The following CDKL4 variants were observed in gnomAD, a reference collection of about 807,000 sequenced individuals.
CDKL4 encodes the protein cyclin dependent kinase like 4, also known as cyclin-dependent kinase-like 4.
In CDKL4, 44 loss-of-function variants were observed where a neutral mutation model predicts 42.0. That is an observed-to-expected ratio of 1.05 (90% CI 0.82 to 1.35). CDKL4 has a LOEUF of 1.35. CDKL4 is among the 40% of genes most tolerant of loss of function. The probability of loss-of-function intolerance (pLI) is 0.00; values close to 1 mark genes in which losing one functional copy is unlikely to be tolerated. For missense variants in CDKL4, 393 were observed against 369.9 expected, an observed-to-expected ratio of 1.06 and a Z score of -0.51; for synonymous variants, 120 against 121.6, an observed-to-expected ratio of 0.99 and a Z score of 0.09.
intron 6 of CDKL4, among the ~76,000 whole-genome samples, chr2:39,188,839 G>A (rs190301635): frequency 6.6e-6 from 1 of 151,958 alleles, no homozygotes; most frequent in African/African-American, 2.4e-5. Context: ...ACAAGCATGC[G>A]CCATCATGTC....
intron 5 of CDKL4, among the ~76,000 whole-genome samples, chr2:39,196,876 G>A (rs1676547698): frequency 6.6e-6 from 1 of 152,168 alleles, no homozygotes; most frequent in Admixed American, 6.5e-5. Context: ...CAAAGTGTTG[G>A]GATTACAGGC....
At chr2:39,244,562 C>G (rs1363174847), upstream of CDKL4, among the ~76,000 whole-genome samples, 1 of 152,252 alleles carries the variant, frequency 6.6e-6, no homozygotes, top group Non-Finnish European at 1.5e-5. Flanking sequence ...CTCCCACCCC[C>G]TCCATGGGTT....
upstream of CDKL4, among the ~76,000 whole-genome samples, chr2:39,246,804 C>A (rs1410129431): frequency 6.6e-6 from 1 of 151,996 alleles, no homozygotes. Flanking sequence ...AGTGCAGTGT[C>A]ACAATCATAG....
intron 3 of CDKL4, 72 bp downstream of exon 3, chr2:39,225,767 T>A: frequency 6.9e-7 from 1 of 1,441,650 alleles, no homozygotes; most frequent in Non-Finnish European, 9.3e-7. Context: ...ATTTGAAATT[T>A]GCCATGGTTA....
intron 1 of CDKL4, among the ~76,000 whole-genome samples, chr2:39,237,809 C>G (rs954455089): frequency 9.9e-5 from 15 of 151,974 alleles, no homozygotes; most frequent in Middle Eastern, 3.2e-3. Context: ...TACAGAAAAT[C>G]GTAATGAATC....
the CDKL4 span, among the ~76,000 whole-genome samples, chr2:39,168,062 T>G: frequency 6.6e-6 from 1 of 152,156 alleles, no homozygotes; most frequent in Non-Finnish European, 1.5e-5. Flanking sequence ...ATATTTAATC[T>G]CATATGTGGG....
intron 1 of CDKL4, among the ~76,000 whole-genome samples, chr2:39,230,953 T>A (rs1679061019): frequency 6.6e-6 from 1 of 152,190 alleles, no homozygotes; most frequent in Non-Finnish European, 1.5e-5. Flanking sequence ...CTCACACTTG[T>A]AATCCCAGAA....
chr2:39,206,550 G>A (rs1395984674), intron 4 of CDKL4, among the ~76,000 whole-genome samples: 2 of 152,212 alleles, frequency 1.3e-5, no homozygotes, highest in South Asian at 4.1e-4. Context: ...GGGTTTCCAT[G>A]TTGCGGAGGT....
chr2:39,184,470 C>T, intron 8 of CDKL4, 121 bp downstream of exon 8: 1 of 629,598 alleles, frequency 1.6e-6, no homozygotes, highest in Admixed American at 2.8e-5. Context: ...AGTTCTTTAT[C>T]ATTTTCAATG....
At chr2:39,172,138 A>C (rs910177657), downstream of CDKL4, among the ~76,000 whole-genome samples, 1 of 151,974 alleles carries the variant, frequency 6.6e-6, no homozygotes, top group African/African-American at 2.4e-5. Context: ...GTGAAACCCC[A>C]TCTCTACTAA....
At chr2:39,174,550 A>G (rs1435818903), downstream of CDKL4, among the ~76,000 whole-genome samples, 1 of 152,238 alleles carries the variant, frequency 6.6e-6, no homozygotes, top group Non-Finnish European at 1.5e-5. Flanking sequence ...AACATAGGAT[A>G]TTATCATGTT....
At chr2:39,172,915 T>C (rs946797903), downstream of CDKL4, among the ~76,000 whole-genome samples, 3 of 152,166 alleles carry the variant, frequency 2.0e-5, no homozygotes, top group African/African-American at 7.2e-5. Context: ...ATGACTATAT[T>C]AGAGCATTTT....
chr2:39,203,061 G>C (rs1341916773), intron 5 of CDKL4, among the ~76,000 whole-genome samples: 1 of 152,168 alleles, frequency 6.6e-6, no homozygotes, highest in Non-Finnish European at 1.5e-5. Context: ...TGTTCATGCA[G>C]TCAAAATTTC....
chr2:39,227,443 C>G (rs1403905650), intron 2 of CDKL4, among the ~76,000 whole-genome samples: 1 of 152,150 alleles, frequency 6.6e-6, no homozygotes, highest in Non-Finnish European at 1.5e-5. Flanking sequence ...GCCTGCTGCT[C>G]CACAGCTGGG....
intron 7 of CDKL4, among the ~76,000 whole-genome samples, chr2:39,186,071 C>T (rs1308695493): frequency 2.0e-5 from 3 of 151,978 alleles, no homozygotes; most frequent in Non-Finnish European, 2.9e-5. Context: ...GATGGAGATG[C>T]CTGAAAGATA....
chr2:39,212,822 G>A (rs1677671059), intron 4 of CDKL4, among the ~76,000 whole-genome samples: 1 of 151,934 alleles, frequency 6.6e-6, no homozygotes, highest in Admixed American at 6.6e-5. Flanking sequence ...ACCATGGCTG[G>A]CTAATTTTTA....
intron 5 of CDKL4, among the ~76,000 whole-genome samples, chr2:39,201,316 A>AC (rs1676830912): frequency 6.6e-6 from 1 of 151,578 alleles, no homozygotes; most frequent in Admixed American, 6.6e-5. Context: ...AAAAAAAAAA[A>AC]ACTACAGATG....
chr2:39,213,380 C>G lies in CDKL4; in HGVS notation c.363+20G>C. On this transcript the variant is annotated intron_variant, in intron 4 of 9. Transcript: ENST00000451199. ...GTCATCATGAAGAAATGAATAAATA[C>G]ATTAGAAAATGTTACTTACGTTATG... 1 of 1,434,414 alleles carries G rather than the reference C, an allele frequency of 7.0e-7. No individual in the cohort carries two copies. Among genetic ancestry groups the G allele is most frequent in the Non-Finnish European group, 9.8e-7 (1 of 1,022,618 alleles). The allele number at this position is 1,434,414 out of a possible 1,614,324, so 88.9% of individuals were successfully genotyped here. A position where few individuals can be genotyped will look rare whatever the true frequency, so the allele number is the denominator to read the frequency against.
At chr2:39,204,651 C>T in intron 4 of CDKL4, 34 bp from the exon 5 acceptor site, 1 of 1,181,728 alleles carries the variant, frequency 8.5e-7, no homozygotes, top group Non-Finnish European at 1.2e-6. Flanking sequence ...TTTTCTGAAC[C>T]ATCAAAATGA....
Sources: allele counts gnomAD v4.1 joint callset (sites outside exome capture counted in the v4.1 genomes callset), GRCh38; gene constraint gnomAD v4.1.1; transcripts MANE v1.5; gene names NCBI Gene and HGNC (gene_info 2026-07-23, HGNC 2026-07-21).